The following DNAH1 variants were observed in gnomAD, a reference collection of about 807,000 sequenced individuals.
The protein encoded by DNAH1 is axonemal beta dynein heavy chain 1.
DNAH1 carries 327 observed loss-of-function variants against 484.3 expected under a neutral mutation model. The observed-to-expected ratio is 0.68, with a 90% CI of 0.62 to 0.74. DNAH1 has a LOEUF of 0.74. Ranked by LOEUF, DNAH1 falls within the 30% of genes least tolerant of loss-of-function variation. The probability of loss-of-function intolerance (pLI) is 0.00; values close to 1 mark genes in which losing one functional copy is unlikely to be tolerated. For synonymous variants in DNAH1, 2,192 were observed against 2,191.9 expected (o/e 1.00, Z 0.00); for missense variants, 5,052 against 5,546.8 (o/e 0.91, Z 2.83).
chr3:52,332,458 A>T, intron 8 of DNAH1, 64 bp downstream of exon 8: 1 of 1,577,454 alleles, frequency 6.3e-7, no homozygotes, highest in South Asian at 1.1e-5. Flanking sequence ...TTCCCATAGG[A>T]AGTTGGTGCT....
chr3:52,339,115 T>C (rs1391674562), intron 8 of DNAH1, among the ~76,000 whole-genome samples: 1 of 152,194 alleles, frequency 6.6e-6, no homozygotes, highest in African/African-American at 2.4e-5. Context: ...AAGGATTCCA[T>C]TATGTATCTA....
Position 52,400,321 on chromosome 3 carries a change from CCAGGAACA to C in DNAH1, c.12677-2_12682del. Reference sequence around the variant, plus strand: ...TAACCCGTCCCCCTCCTTGCCCATTCCAGGAACACTATCAACCACAGGACACTCTACCA... The same window carrying C: ...TAACCCGTCCCCCTCCTTGCCCATTCCTATCAACCACAGGACACTCTACCA... On this transcript the variant is annotated splice_acceptor_variant and splice_polypyrimidine_tract_variant and coding_sequence_variant and intron_variant, in exon 78 of 78. Transcript: ENST00000420323. LOFTEE classifies it high-confidence loss of function. 6.2e-7 allele frequency: 1 copy of C among 1,613,952 alleles called. No homozygotes were observed.
rs1320383163 is a variant in DNAH1, at chr3:52,331,240, A to G, written c.964A>G (p.Thr322Ala). ...EEKKLYLVHK[T>A]DEKGLVRDEM... ...GAAGAAGCTATACCTGGTACACAAGACAGACGAGAAAGGCCTGGTGCGAGA... is the reference window on the plus strand; with the variant it reads ...GAAGAAGCTATACCTGGTACACAAGGCAGACGAGAAAGGCCTGGTGCGAGA... The change falls in exon 7 of 78, where the codon ACA becomes GCA. Residue 322 changes from threonine (T) to alanine (A), a missense_variant. Transcript: ENST00000420323. 1.2e-6 allele frequency: 2 copies of G among 1,611,494 alleles called. No homozygotes were observed. The highest frequency in any genetic ancestry group is 4.5e-5 in the East Asian group (2 of 44,846).
In DNAH1 at chr3:52,357,612, A is replaced by G. The variant is rs746108879; in HGVS notation, c.3859-2A>G. 3 of 1,598,774 alleles carry G rather than the reference A, an allele frequency of 1.9e-6. No individual in the cohort carries two copies. Among genetic ancestry groups the G allele is most frequent in the Non-Finnish European group, 1.7e-6 (2 of 1,172,170 alleles). ...TTTCTGTGCATGGCCCGGGCCCTGC[A>G]GGTGATCAATGTGTGTTCCGACCTG... On this transcript the variant is annotated splice_acceptor_variant, in intron 22 of 77. Coordinates refer to ENST00000420323, the MANE Select transcript of DNAH1 (RefSeq NM_015512.5). LOFTEE classifies it high-confidence loss of function.
chr3:52,358,856 C>T lies in DNAH1; in HGVS notation c.4266+119C>T. ...TGCAGCCCTGAGGTCCCTGGGGGCT[C>T]AGGCGGGATTCTGGAGTCTTTCCTT... On this transcript the variant is annotated intron_variant, in intron 25 of 77. Coordinates refer to ENST00000420323, the MANE Select transcript of DNAH1 (RefSeq NM_015512.5). This position sits in a 1 kb window ranked among gnomAD's most constrained non-coding sequence, Gnocchi z 4.2. 1 of 1,223,826 alleles carries T rather than the reference C, an allele frequency of 8.2e-7. No individual in the cohort carries two copies. The highest frequency in any genetic ancestry group is 1.1e-6 in the Non-Finnish European group (1 of 875,734). 75.8% of individuals were successfully genotyped at this position (1,223,826 alleles called of 1,614,324 possible).
chr3:52,356,800 G>T, intron 22 of DNAH1, 22 bp downstream of exon 22: 1 of 1,576,710 alleles, frequency 6.3e-7, no homozygotes, highest in South Asian at 1.2e-5. Context: ...GAGGGTGGGA[G>T]GGGCAGCTGG....
intron 8 of DNAH1, among the ~76,000 whole-genome samples, chr3:52,341,530 C>CTTTTTTTTTTTTTTTTTTT (rs55645528): frequency 9.9e-6 from 1 of 101,174 alleles, no homozygotes; most frequent in Admixed American, 1.0e-4. Flanking sequence ...TTGACTTTGA[C>CTTTTTTTTTTTTTTTTTTT]TTTTTTTTTT....
chr3:52,370,332 G>T, intron 39 of DNAH1, 103 bp downstream of exon 39: 1 of 1,542,580 alleles, frequency 6.5e-7, no homozygotes, highest in Non-Finnish European at 8.8e-7. Context: ...GTGCAACATG[G>T]TGCAACATGG....
Position 52,381,923 on chromosome 3 carries a change from G to A in DNAH1, c.7805+87G>A. 7.1e-7 allele frequency: 1 copy of A among 1,399,766 alleles called. No individual in the cohort carries two copies. The highest frequency in any genetic ancestry group is 1.4e-5 in the South Asian group (1 of 71,916). 86.7% of individuals were successfully genotyped at this position (1,399,766 alleles called of 1,614,324 possible). A position where few individuals can be genotyped will look rare whatever the true frequency, so the allele number is the denominator to read the frequency against. On this transcript the variant is annotated intron_variant, in intron 49 of 77. Coordinates refer to ENST00000420323, the MANE Select transcript of DNAH1 (RefSeq NM_015512.5). The surrounding 1 kb of genome is among the most constrained non-coding windows in gnomAD (Gnocchi z 4.1). ...ACCCATGCTTTTGCACAGTGGTAGAGGCCTCGGGCAACCCTGAAGTAGGCC... is the reference window on the plus strand; with the variant it reads ...ACCCATGCTTTTGCACAGTGGTAGAAGCCTCGGGCAACCCTGAAGTAGGCC...
Position 52,344,487 on chromosome 3 carries a change from C to T in DNAH1, c.1287-3C>T, listed in dbSNP as rs1433534360. ...TTCCCCCATCTCCCATCTCTATGGG[C>T]AGGGTTCTAGAGCACCTCAGCAGTC... On this transcript the variant is annotated splice_polypyrimidine_tract_variant and splice_region_variant and intron_variant, in intron 8 of 77. Coordinates refer to ENST00000420323, the MANE Select transcript of DNAH1 (RefSeq NM_015512.5). 2 of 1,612,596 alleles carry T rather than the reference C, an allele frequency of 1.2e-6. No individual in the cohort carries two copies. Among genetic ancestry groups the T allele is most frequent in the Non-Finnish European group, 1.7e-6 (2 of 1,178,834 alleles).
chr3:52,335,606 GC>G (rs1248628184), intron 8 of DNAH1, among the ~76,000 whole-genome samples: 1 of 151,728 alleles, frequency 6.6e-6, no homozygotes, highest in Non-Finnish European at 1.5e-5. Flanking sequence ...ACCGCACCCG[GC>G]CCTTTTGCTC....
chr3:52,338,097 C>CTTAA (rs1268911328), intron 8 of DNAH1, among the ~76,000 whole-genome samples: 1 of 151,994 alleles, frequency 6.6e-6, no homozygotes, highest in Non-Finnish European at 1.5e-5. Flanking sequence ...CTCAGCTCTA[C>CTTAA]TTAATTAATT....
At chr3:52,331,010 C>G in intron 6 of DNAH1, 138 bp from the exon 7 acceptor site, 1 of 1,097,316 alleles carries the variant, frequency 9.1e-7, no homozygotes, top group Non-Finnish European at 1.3e-6. Context: ...TCTGCTGGAG[C>G]AGAGGGGGGC....
chr3:52,379,722 C>T lies in DNAH1; in HGVS notation c.7378-183C>T, dbSNP rs554389128. On this transcript the variant is annotated intron_variant, in intron 47 of 77. Transcript: ENST00000420323. This position sits in a 1 kb window ranked among gnomAD's most constrained non-coding sequence, Gnocchi z 4.4. The stretch of plus-strand genomic sequence containing the variant: ...GGCAGCACTGTGCAATCCACCCCAT[C>T]CTCAGCCAGCCAGCAGTTGCACTTG... 6.6e-6 allele frequency among the ~76,000 whole-genome samples: 1 copy of T among 152,038 alleles called. No homozygotes were observed. The highest frequency in any genetic ancestry group is 6.5e-5 in the Admixed American group (1 of 15,286).
chr3:52,321,596 G>T (rs1406810911), intron 1 of DNAH1: 1 of 152,190 alleles, frequency 6.6e-6, no homozygotes, highest in Non-Finnish European at 1.5e-5. Flanking sequence ...CAGTGGCTTT[G>T]CAAGGGCTTG....
chr3:52,378,747 A>G lies in DNAH1; in HGVS notation c.7344A>G (p.Gln2448=). 2 of 1,613,694 alleles carry G rather than the reference A, an allele frequency of 1.2e-6. No individual in the cohort carries two copies. Among genetic ancestry groups the G allele is most frequent in the Non-Finnish European group, 1.7e-6 (2 of 1,179,860 alleles). The change falls in exon 47 of 78, where the codon CAA becomes CAG. Residue 2448 remains glutamine (Q), a synonymous_variant. Transcript: ENST00000420323. ...FNLRDLSKVF[Q]GMLMADPAKV... is the part of the protein sequence containing the mutation. ...TGAGGGACCTCTCCAAGGTCTTCCA[A>G]GGCATGCTCATGGCTGACCCGGCCA...
chr3:52,346,812 ATGTG>A, intron 11 of DNAH1, 42 bp downstream of exon 11: 1 of 1,563,508 alleles, frequency 6.4e-7, no homozygotes, highest in Non-Finnish European at 8.7e-7. Context: ...ACACCAGGTG[ATGTG>A]TCACCTGCTG....
chr3:52,385,309 GT>G, intron 53 of DNAH1, 27 bp from the exon 54 acceptor site: 1 of 1,548,712 alleles, frequency 6.5e-7, no homozygotes, highest in Non-Finnish European at 8.7e-7. Flanking sequence ...TGCCACACCT[GT>G]TTTCCTGTCT....
At position 52,379,832 on chromosome 3, in the gene DNAH1, C is replaced by A; in HGVS notation, c.7378-73C>A. 1 of 1,387,112 alleles carries A rather than the reference C, an allele frequency of 7.2e-7. No homozygotes were observed. The highest frequency in any genetic ancestry group is 9.8e-7 in the Non-Finnish European group (1 of 1,019,354). 85.9% of individuals were successfully genotyped at this position (1,387,112 alleles called of 1,614,324 possible). ...CCCCAGGAACTGGGGCCCACCCTCC[C>A]TTGCCTGGTGGTTTGAGAGATAGCT... is the stretch of plus-strand genomic sequence containing the variant. On this transcript the variant is annotated intron_variant, in intron 47 of 77. Coordinates refer to ENST00000420323, the MANE Select transcript of DNAH1 (RefSeq NM_015512.5). The surrounding 1 kb of genome is among the most constrained non-coding windows in gnomAD (Gnocchi z 4.4).
Sources: allele counts gnomAD v4.1 joint callset (sites outside exome capture counted in the v4.1 genomes callset), GRCh38; gene constraint gnomAD v4.1.1; non-coding constraint Gnocchi (gnomAD v3.1); transcripts MANE v1.5; gene names NCBI Gene and HGNC (gene_info 2026-07-23, HGNC 2026-07-21).